The following LINGO2 variants were observed in gnomAD, a reference collection of about 807,000 sequenced individuals.
LINGO2 encodes leucine-rich repeat and immunoglobulin-like domain-containing nogo receptor-interacting protein 2.
In LINGO2, 14 loss-of-function variants were observed where a neutral mutation model predicts 30.6. The observed-to-expected ratio is 0.46, with a 90% CI of 0.30 to 0.72. The LOEUF (loss-of-function observed/expected upper bound fraction) is 0.72, where lower values mean the gene tolerates loss of function less well. Ranked by LOEUF, LINGO2 falls within the 30% of genes least tolerant of loss-of-function variation. The probability of loss-of-function intolerance (pLI) is 0.07; values close to 1 mark genes in which losing one functional copy is unlikely to be tolerated. For missense variants in LINGO2, 729 were observed against 751.7 expected, an observed-to-expected ratio of 0.97 and a Z score of 0.35; for synonymous variants, 317 against 288.5, an observed-to-expected ratio of 1.10 and a Z score of -1.00.
chr9:28,194,102 C>A (rs917480748), intron 4 of LINGO2, among the ~76,000 whole-genome samples: 1 of 152,124 alleles, frequency 6.6e-6, no homozygotes, highest in South Asian at 2.1e-4. Flanking sequence ...ACAGGCTCCA[C>A]CTTTCCAAAA....
chr9:28,959,612 T>TCA, the LINGO2 span, among the ~76,000 whole-genome samples: 1,236 of 132,206 alleles, frequency 9.3e-3, 10 homozygotes, highest in African/African-American at 0.029. Context: ...TCTCTCTCCC[T>TCA]CACACACACA....
chr9:28,844,576 T>C, the LINGO2 span, among the ~76,000 whole-genome samples: 1 of 151,796 alleles, frequency 6.6e-6, no homozygotes. Flanking sequence ...TCATGTTCCA[T>C]CCTGAGCTGA....
the LINGO2 span, among the ~76,000 whole-genome samples, chr9:28,995,811 A>C: frequency 6.6e-6 from 1 of 151,866 alleles, no homozygotes; most frequent in Non-Finnish European, 1.5e-5. Flanking sequence ...ATAGGTGGGA[A>C]TTGAACAATG....
intron 4 of LINGO2, among the ~76,000 whole-genome samples, chr9:28,106,928 T>C (rs1321207939): frequency 6.6e-6 from 1 of 152,204 alleles, no homozygotes; most frequent in East Asian, 1.9e-4. Flanking sequence ...CTCATGCTCA[T>C]GTGATTACTT....
At chr9:28,028,614 C>T (rs1402331914) in intron 4 of LINGO2, among the ~76,000 whole-genome samples, 1 of 152,098 alleles carries the variant, frequency 6.6e-6, no homozygotes, top group Non-Finnish European at 1.5e-5. Flanking sequence ...AGAAGATGCT[C>T]AAGTACTGTA....
intron 2 of LINGO2, among the ~76,000 whole-genome samples, chr9:28,396,206 T>G (rs1822033346): frequency 6.6e-6 from 1 of 152,202 alleles, no homozygotes; most frequent in South Asian, 2.1e-4. Flanking sequence ...TTATAAGCAC[T>G]TTTTTATGTA....
intron 2 of LINGO2, among the ~76,000 whole-genome samples, chr9:28,415,788 A>G (rs1002381472): frequency 1.3e-5 from 2 of 152,220 alleles, no homozygotes; most frequent in African/African-American, 4.8e-5. Context: ...TGAGAGCTGT[A>G]ATCCTGTTTT....
At chr9:28,178,043 C>T (rs1828797058) in intron 4 of LINGO2, among the ~76,000 whole-genome samples, 2 of 152,082 alleles carry the variant, frequency 1.3e-5, no homozygotes, top group South Asian at 4.1e-4. Context: ...CTTTTACTGC[C>T]CTCTGCACAG....
chr9:29,006,994 A>C, the LINGO2 span, among the ~76,000 whole-genome samples: 1 of 152,094 alleles, frequency 6.6e-6, no homozygotes, highest in Non-Finnish European at 1.5e-5. Context: ...CTGCAACTCT[A>C]TAGCATCTGA....
chr9:28,267,108 A>T (rs1490535514), intron 4 of LINGO2, among the ~76,000 whole-genome samples: 1 of 152,020 alleles, frequency 6.6e-6, no homozygotes, highest in Non-Finnish European at 1.5e-5. Context: ...ATGAGCAAGA[A>T]AACGTTACCT....
the LINGO2 span, among the ~76,000 whole-genome samples, chr9:28,996,652 G>C: frequency 6.6e-6 from 1 of 152,148 alleles, no homozygotes; most frequent in African/African-American, 2.4e-5. Flanking sequence ...ATGTTTGTTA[G>C]ATGTTTGTTA....
chr9:27,986,317 G>A (rs1185968376), intron 5 of LINGO2, among the ~76,000 whole-genome samples: 2 of 151,714 alleles, frequency 1.3e-5, no homozygotes, highest in Non-Finnish European at 2.9e-5. Context: ...AAAAAGAAAA[G>A]GAAAAACAAA....
chr9:28,396,208 T>C (rs549185231), intron 2 of LINGO2, among the ~76,000 whole-genome samples: 2 of 152,192 alleles, frequency 1.3e-5, no homozygotes, highest in Admixed American at 6.5e-5. Context: ...ATAAGCACTT[T>C]TTTATGTATT....
intron 4 of LINGO2, among the ~76,000 whole-genome samples, chr9:28,021,447 A>T (rs1435696949): frequency 1.3e-5 from 2 of 152,146 alleles, no homozygotes; most frequent in Admixed American, 6.5e-5. Flanking sequence ...CGTGAGTATC[A>T]GAAGAATGTA....
intron 5 of LINGO2, among the ~76,000 whole-genome samples, chr9:28,003,008 A>ACCC (rs893243751): frequency 6.6e-6 from 1 of 152,106 alleles, no homozygotes; most frequent in Non-Finnish European, 1.5e-5. Context: ...GCCACCTGTG[A>ACCC]CCCCCAAATG....
chr9:28,872,688 G>C, the LINGO2 span, among the ~76,000 whole-genome samples: 3 of 151,998 alleles, frequency 2.0e-5, no homozygotes, highest in Non-Finnish European at 4.4e-5. Context: ...GATTAAATAG[G>C]TACTTTGTTC....
the LINGO2 span, among the ~76,000 whole-genome samples, chr9:28,772,420 T>TC: frequency 6.6e-6 from 1 of 152,188 alleles, no homozygotes; most frequent in Non-Finnish European, 1.5e-5. Context: ...TCTGCAGCTA[T>TC]CCACTGAAGA....
At chr9:28,362,238 G>A (rs1261979953) in intron 3 of LINGO2, among the ~76,000 whole-genome samples, 12 of 152,086 alleles carry the variant, frequency 7.9e-5, no homozygotes, top group African/African-American at 1.7e-4. Flanking sequence ...GTGCGCATGC[G>A]CATGTGTGTG....
intron 4 of LINGO2, among the ~76,000 whole-genome samples, chr9:28,245,330 C>A (rs1335028110): frequency 6.6e-6 from 1 of 152,078 alleles, no homozygotes; most frequent in Non-Finnish European, 1.5e-5. Context: ...CTATTTATAA[C>A]AAACCCACAA....
Sources: gnomAD v4.1 joint callset for allele counts (sites outside exome capture counted in the v4.1 genomes callset) on GRCh38, gnomAD v4.1.1 for gene constraint, MANE v1.5 for transcripts, NCBI Gene and HGNC (gene_info 2026-07-23, HGNC 2026-07-21) for gene names.